The following KIAA1549 variants were observed in gnomAD, a reference collection of about 807,000 sequenced individuals.
KIAA1549 encodes UPF0606 protein KIAA1549.
Under a neutral mutation model 156.4 loss-of-function variants are expected in KIAA1549, and 70 were observed. That is an observed-to-expected ratio of 0.45 (90% confidence interval 0.37 to 0.55). KIAA1549 has a LOEUF of 0.55. KIAA1549 is among the 20% of genes least tolerant of loss of function. The pLI is 0.00. For missense variants in KIAA1549, 2,428 were observed against 2,540.9 expected (o/e 0.96, Z 0.96); for synonymous variants, 1,103 against 1,066.4 (o/e 1.03, Z -0.67).
intron 6 of KIAA1549, among the ~76,000 whole-genome samples, chr7:138,906,135 A>C (rs1317191219): frequency 6.6e-6 from 1 of 152,242 alleles, no homozygotes; most frequent in Non-Finnish European, 1.5e-5. Context: ...ATCTGGCCTG[A>C]ATCCAGTTTT....
chr7:138,976,114 T>C (rs1258284904), intron 1 of KIAA1549, among the ~76,000 whole-genome samples: 2 of 152,220 alleles, frequency 1.3e-5, no homozygotes, highest in South Asian at 4.1e-4. Flanking sequence ...TCTTGCTCTG[T>C]CACCCAGGCT....
chr7:138,838,514 T>C (rs11977733), intron 19 of KIAA1549, among the ~76,000 whole-genome samples: 6,918 of 152,208 alleles, frequency 0.045, 505 homozygotes, highest in African/African-American at 0.16. Context: ...CTGTCTCCTG[T>C]CTCTGCGTGA....
chr7:138,944,485 T>C (rs1340444322), intron 1 of KIAA1549, among the ~76,000 whole-genome samples: 1 of 152,124 alleles, frequency 6.6e-6, no homozygotes, highest in Non-Finnish European at 1.5e-5. Context: ...TTGGCGGGGA[T>C]CTGGTCTCTC....
intron 1 of KIAA1549, among the ~76,000 whole-genome samples, chr7:138,973,761 C>T (rs1199420143): frequency 6.6e-6 from 1 of 152,188 alleles, no homozygotes; most frequent in Non-Finnish European, 1.5e-5. Flanking sequence ...CCTCCTGCCT[C>T]AGCCTCCCGA....
intron 2 of KIAA1549, among the ~76,000 whole-genome samples, chr7:138,913,678 T>A (rs1812232249): frequency 6.6e-6 from 1 of 152,202 alleles, no homozygotes; most frequent in Admixed American, 6.5e-5. Context: ...GAAGTTTTTT[T>A]AAAGGTGAGT....
chr7:138,920,016 T>A (rs1176587715), intron 1 of KIAA1549, among the ~76,000 whole-genome samples: 1 of 152,176 alleles, frequency 6.6e-6, no homozygotes, highest in African/African-American at 2.4e-5. Flanking sequence ...GGCTTCCACA[T>A]GAAGGCCCCA....
Position 138,837,069 on chromosome 7 carries a change from G to C in KIAA1549, c.*837C>G, listed in dbSNP as rs74351257. 361 of 228,928 alleles carry C rather than the reference G, an allele frequency of 1.6e-3. 4 individuals carry two copies. In the East Asian group the frequency reaches 0.022, roughly 14 times the overall value. The allele number at this position is 228,928 out of a possible 1,614,324, so 14.2% of individuals were successfully genotyped here. On this transcript the variant is annotated 3_prime_UTR_variant, in exon 20 of 20. Coordinates refer to ENST00000422774, the MANE Select transcript of KIAA1549 (RefSeq NM_001164665.2). ...CTGAACTGGGACATGACCAGGAGTT[G>C]TGTGTGCCCAATTAAGAAACAGCAA...
At chr7:138,892,051 G>A (rs1811562808) in intron 10 of KIAA1549, among the ~76,000 whole-genome samples, 1 of 152,234 alleles carries the variant, frequency 6.6e-6, no homozygotes. Context: ...TCAGAAGACA[G>A]TTATTCTTTT....
chr7:138,947,859 CT>C (rs1366950489), intron 1 of KIAA1549, among the ~76,000 whole-genome samples: 1 of 151,916 alleles, frequency 6.6e-6, no homozygotes, highest in Admixed American at 6.6e-5. Flanking sequence ...GCCTCCTGGG[CT>C]CAAGCAATCC....
chr7:138,877,001 G>A (rs1257918023), intron 12 of KIAA1549, among the ~76,000 whole-genome samples: 5 of 152,158 alleles, frequency 3.3e-5, no homozygotes, highest in Admixed American at 6.5e-5. Flanking sequence ...CATGACCTGG[G>A]ACAGTCGTCA....
chr7:138,969,857 G>A (rs531517791), intron 1 of KIAA1549, among the ~76,000 whole-genome samples: 1 of 152,052 alleles, frequency 6.6e-6, no homozygotes, highest in Non-Finnish European at 1.5e-5. Flanking sequence ...CCTCCCAAAG[G>A]GCCGGCCACT....
At position 138,906,962 on chromosome 7, in the gene KIAA1549, C is replaced by G. The variant is rs749782061; in HGVS notation, c.3417G>C (p.Glu1139Asp). ...CTGGGTATCCCAGATAGAAACTGAA[C>G]TCCACCACACTCAAGTTTCTGAGCA... ...SELLRNLSVVEFSFYLGYPVL... is the reference protein window; with the variant it reads ...SELLRNLSVVDFSFYLGYPVL... Residue 1139 changes from glutamate (E) to aspartate (D), a missense_variant, in exon 6 of 20, where the codon GAG becomes GAC. This residue lies in a region of KIAA1549 where 762 missense variants were observed against 901.6 expected (regional missense o/e 0.85). Coordinates refer to ENST00000422774, the MANE Select transcript of KIAA1549 (RefSeq NM_001164665.2). The G allele has an allele frequency of 6.2e-7, 1 of 1,612,190 alleles. No homozygotes were observed. The highest frequency in any genetic ancestry group is 8.5e-7 in the Non-Finnish European group (1 of 1,179,178).
intron 14 of KIAA1549, among the ~76,000 whole-genome samples, chr7:138,868,422 TTTTTA>T (rs1810818254): frequency 6.6e-6 from 1 of 152,094 alleles, no homozygotes; most frequent in Non-Finnish European, 1.5e-5. Context: ...AACTAGGTCT[TTTTTA>T]TTTTATTATT....
chr7:138,878,745 G>C (rs1396823890), intron 12 of KIAA1549, among the ~76,000 whole-genome samples: 4 of 140,894 alleles, frequency 2.8e-5, no homozygotes, highest in Non-Finnish European at 6.5e-5. Flanking sequence ...CTCAGTGATA[G>C]AGCAAGACCC....
chr7:138,867,635 TTC>T (rs200249371), intron 15 of KIAA1549, among the ~76,000 whole-genome samples: 158 of 151,678 alleles, frequency 1.0e-3, no homozygotes, highest in Non-Finnish European at 1.7e-3. Context: ...TTGAGGATAT[TTC>T]TCTCTCTCTC....
chr7:138,865,773 G>A (rs1810720472), intron 15 of KIAA1549, among the ~76,000 whole-genome samples: 1 of 152,142 alleles, frequency 6.6e-6, no homozygotes, highest in African/African-American at 2.4e-5. Flanking sequence ...ACTGAAGCAG[G>A]CAAATGAAGA....
rs147368254 is a variant in KIAA1549 at position 138,876,004 on chromosome 7, G to A, written c.4345+3534C>T. Among the ~76,000 whole-genome samples, 1,283 of 151,558 alleles carry A rather than the reference G, an allele frequency of 8.5e-3. 31 individuals carry two copies. Among genetic ancestry groups the A allele is most frequent in the African/African-American group, 0.03 (1,229 of 41,280 alleles). ...TTTTGTAGAGTCAGAGTCTCGCTAC[G>A]TAGCCCAGGCTGGAAAACCACATCT... is the stretch of plus-strand genomic sequence containing the variant. On this transcript the variant is annotated intron_variant, in intron 12 of 19. Coordinates refer to ENST00000422774, the MANE Select transcript of KIAA1549 (RefSeq NM_001164665.2).
At chr7:138,900,641 C>G (rs1811815201) in intron 8 of KIAA1549, among the ~76,000 whole-genome samples, 1 of 152,158 alleles carries the variant, frequency 6.6e-6, no homozygotes, top group Non-Finnish European at 1.5e-5. Flanking sequence ...TGGGAGGTAT[C>G]TGAGTCATGG....
intron 16 of KIAA1549, among the ~76,000 whole-genome samples, chr7:138,857,446 T>C (rs544167251): frequency 1.2e-4 from 18 of 152,356 alleles, no homozygotes; most frequent in African/African-American, 4.3e-4. Context: ...TTGTTTCTCC[T>C]GGATAAATAC....
Sources: allele counts gnomAD v4.1 joint callset (sites outside exome capture counted in the v4.1 genomes callset), GRCh38; gene constraint gnomAD v4.1.1; regional missense constraint gnomAD v4.1.1; transcripts MANE v1.5; gene names NCBI Gene and HGNC (gene_info 2026-07-23, HGNC 2026-07-21).